GRIP1: variants seen among roughly 807,000 people sequenced by gnomAD.
GRIP1 encodes glutamate receptor interacting protein 1.
A neutral mutation model predicts 129.9 loss-of-function variants in GRIP1; 45 were observed. The ratio of observed to expected loss-of-function variants is 0.35; its 90% CI spans 0.27 to 0.44. The LOEUF is 0.44. Ranked by LOEUF, GRIP1 falls within the 20% of genes least tolerant of loss-of-function variation. The probability of loss-of-function intolerance (pLI) is 1.00; values close to 1 mark genes in which losing one functional copy is unlikely to be tolerated. For missense variants in GRIP1, 1,196 were observed against 1,396.8 expected (o/e 0.86, Z 2.29); for synonymous variants, 530 against 520.8 (o/e 1.02, Z -0.24).
At chr12:66,720,307 A>T (rs1156475409) in intron 1 of GRIP1, among the ~76,000 whole-genome samples, 2 of 152,230 alleles carry the variant, frequency 1.3e-5, no homozygotes, top group Non-Finnish European at 2.9e-5. Context: ...TAAACAAAAA[A>T]TGCTAACCAT....
intron 14 of GRIP1, among the ~76,000 whole-genome samples, chr12:66,429,450 A>G (rs2058081754): frequency 6.6e-6 from 1 of 152,058 alleles, no homozygotes; most frequent in Admixed American, 6.6e-5. Flanking sequence ...TAATCCCAAC[A>G]CTTTAAGAGG....
chr12:66,664,352 A>G (rs2033676269), intron 1 of GRIP1, among the ~76,000 whole-genome samples: 1 of 152,226 alleles, frequency 6.6e-6, no homozygotes, highest in Admixed American at 6.5e-5. Context: ...TTTAAAAATA[A>G]CTTTATATTT....
intron 1 of GRIP1, among the ~76,000 whole-genome samples, chr12:66,818,932 T>C (rs1303622777): frequency 1.3e-5 from 2 of 152,210 alleles, no homozygotes; most frequent in African/African-American, 4.8e-5. Flanking sequence ...TTCTGCAAAT[T>C]CTAATAAAAG....
At chr12:66,883,750 C>G (rs1387932799) in intron 1 of GRIP1, among the ~76,000 whole-genome samples, 1 of 152,200 alleles carries the variant, frequency 6.6e-6, no homozygotes, top group Non-Finnish European at 1.5e-5. Context: ...AAGACATCCC[C>G]GTTTGGACAC....
intron 1 of GRIP1, among the ~76,000 whole-genome samples, chr12:66,885,708 C>T (rs2040555031): frequency 1.3e-5 from 2 of 152,144 alleles, no homozygotes; most frequent in South Asian, 4.1e-4. Flanking sequence ...CTGCCAATCT[C>T]TCTCCTCTAA....
At chr12:66,700,223 T>C (rs1249976323) in intron 1 of GRIP1, among the ~76,000 whole-genome samples, 11 of 151,888 alleles carry the variant, frequency 7.2e-5, no homozygotes, top group Admixed American at 6.6e-4. Context: ...AAAGCATCAG[T>C]GAAGGAATGG....
At chr12:66,620,953 G>C (rs2065244408) in intron 1 of GRIP1, among the ~76,000 whole-genome samples, 1 of 152,104 alleles carries the variant, frequency 6.6e-6, no homozygotes, top group Admixed American at 6.6e-5. Flanking sequence ...CTCAGGTTTA[G>C]ACTCTTCCAA....
In GRIP1 at chr12:66,463,110, T is replaced by C. The variant is rs1189929795; in HGVS notation, c.873-17A>G. 2 of 1,610,550 alleles carry C rather than the reference T, an allele frequency of 1.2e-6. No homozygotes were observed. Among genetic ancestry groups the C allele is most frequent in the South Asian group, 1.1e-5 (1 of 90,942 alleles). On this transcript the variant is annotated splice_polypyrimidine_tract_variant and intron_variant, in intron 8 of 24. Coordinates refer to ENST00000359742, the MANE Select transcript of GRIP1 (RefSeq NM_001366722.1). ...GCGCCACATCTACGGAAAGGAGAAA[T>C]ACTCGGTAAGAGGCAGTGCCTTCCT...
intron 1 of GRIP1, among the ~76,000 whole-genome samples, chr12:66,814,222 C>T (rs1456172271): frequency 6.6e-6 from 1 of 152,010 alleles, no homozygotes; most frequent in Non-Finnish European, 1.5e-5. Flanking sequence ...TCTCTGTACC[C>T]CATTTCCTCA....
chr12:67,006,377 C>T (rs1189284556), intron 1 of GRIP1, among the ~76,000 whole-genome samples: 1 of 152,022 alleles, frequency 6.6e-6, no homozygotes, highest in Non-Finnish European at 1.5e-5. Context: ...CCAGCCAGGG[C>T]AACATAGTGA....
chr12:66,465,563 C>G, intron 7 of GRIP1, 141 bp from the exon 8 acceptor site: 1 of 709,396 alleles, frequency 1.4e-6, no homozygotes. Context: ...ATATAATATC[C>G]CCACAGCCAA....
At chr12:66,473,415 A>G (rs1481414399) in intron 7 of GRIP1, among the ~76,000 whole-genome samples, 1 of 152,178 alleles carries the variant, frequency 6.6e-6, no homozygotes, top group Non-Finnish European at 1.5e-5. Context: ...GCAGACTTAA[A>G]TGTTCCTGCC....
intron 1 of GRIP1, among the ~76,000 whole-genome samples, chr12:66,666,813 T>C (rs1034782301): frequency 6.6e-6 from 1 of 152,168 alleles, no homozygotes; most frequent in Non-Finnish European, 1.5e-5. Flanking sequence ...AAAAATGTAT[T>C]TATTTTATGC....
chr12:66,621,342 T>A (rs1277137289), intron 1 of GRIP1, among the ~76,000 whole-genome samples: 8 of 152,210 alleles, frequency 5.3e-5, no homozygotes, highest in Middle Eastern at 3.2e-3. Context: ...GCAACTCACA[T>A]AGGGCAGTGA....
At chr12:66,910,869 CT>C (rs1291976896) in intron 1 of GRIP1, among the ~76,000 whole-genome samples, 2 of 152,150 alleles carry the variant, frequency 1.3e-5, no homozygotes, top group Non-Finnish European at 2.9e-5. Context: ...ACAGCTCCAT[CT>C]TTATCACTTT....
intron 1 of GRIP1, among the ~76,000 whole-genome samples, chr12:66,911,725 T>C (rs2041032545): frequency 6.6e-6 from 1 of 152,198 alleles, no homozygotes; most frequent in Admixed American, 6.5e-5. Context: ...GCAAAATTAA[T>C]GAAAATATAG....
At chr12:66,618,519 C>G (rs927799186) in intron 1 of GRIP1, among the ~76,000 whole-genome samples, 12 of 151,956 alleles carry the variant, frequency 7.9e-5, no homozygotes, top group Admixed American at 1.3e-4. Flanking sequence ...TGCTTTGAAT[C>G]TATCTATTAA....
rs1208932832 is a variant in GRIP1 at position 66,372,113 on chromosome 12, T to C, written c.2779-186A>G. ...TCTGGAAAATGCTTTGCAAGTGACA[T>C]TTATAATGCACATCTCAAATCCAAT... is the stretch of plus-strand genomic sequence containing the variant. On this transcript the variant is annotated intron_variant, in intron 22 of 24. Coordinates refer to ENST00000359742, the MANE Select transcript of GRIP1 (RefSeq NM_001366722.1). 4 of 635,630 alleles carry C rather than the reference T, an allele frequency of 6.3e-6. No individual in the cohort carries two copies. In the African/African-American group the frequency reaches 7.3e-5, roughly 12 times the overall value. The allele number at this position is 635,630 out of a possible 1,614,324, so 39.4% of individuals were successfully genotyped here.
intron 1 of GRIP1, among the ~76,000 whole-genome samples, chr12:66,789,386 T>G (rs552422515): frequency 6.6e-6 from 1 of 152,154 alleles, no homozygotes; most frequent in African/African-American, 2.4e-5. Context: ...CCATTTAAAT[T>G]TTCAGTGCTT....
Sources: gnomAD v4.1 joint callset for allele counts (sites outside exome capture counted in the v4.1 genomes callset) on GRCh38, gnomAD v4.1.1 for gene constraint, MANE v1.5 for transcripts, NCBI Gene and HGNC (gene_info 2026-07-23, HGNC 2026-07-21) for gene names.